The following MAGI2 variants were observed in gnomAD, a reference collection of about 807,000 sequenced individuals.
The protein encoded by MAGI2 is membrane-associated guanylate kinase, WW and PDZ domain-containing protein 2.
A neutral mutation model predicts 133.3 loss-of-function variants in MAGI2; 35 were observed. That is an observed-to-expected ratio of 0.26 (90% CI 0.20 to 0.35). The LOEUF is 0.35. Ranked by LOEUF, MAGI2 falls within the 10% of genes least tolerant of loss-of-function variation. MAGI2 has a pLI of 1.00. For synonymous variants in MAGI2, 729 were observed against 710.6 expected (o/e 1.03, Z -0.41); for missense variants, 1,636 against 1,863.4 (o/e 0.88, Z 2.25).
chr7:79,115,969 C>A (rs1819379503), intron 1 of MAGI2, among the ~76,000 whole-genome samples: 2 of 147,360 alleles, frequency 1.4e-5, no homozygotes, highest in African/African-American at 2.5e-5. Context: ...CTTTCAGACT[C>A]TCCTATCCCA....
chr7:78,917,540 T>C (rs996886761), intron 2 of MAGI2, among the ~76,000 whole-genome samples: 4 of 152,090 alleles, frequency 2.6e-5, no homozygotes, highest in African/African-American at 7.2e-5. Flanking sequence ...CTTGGCCATT[T>C]TGATGTTTTC....
At chr7:78,975,548 G>A (rs1183282408) in intron 2 of MAGI2, among the ~76,000 whole-genome samples, 1 of 151,532 alleles carries the variant, frequency 6.6e-6, no homozygotes, top group Non-Finnish European at 1.5e-5. Context: ...GAAATTTATA[G>A]TAACAAATGC....
In MAGI2 at chr7:79,186,215, TA is replaced by T. The variant is rs1331447720; in HGVS notation, c.302-179010del. 1.6e-3 allele frequency among the ~76,000 whole-genome samples: 39 copies of T among 23,804 alleles called. 1 individual carries two copies. Among genetic ancestry groups the T allele is most frequent in the African/African-American group, 1.9e-3 (36 of 18,570 alleles). 15.6% of individuals were successfully genotyped at this position (23,804 alleles called of 152,430 possible). A position where few individuals can be genotyped will look rare whatever the true frequency, so the allele number is the denominator to read the frequency against. On this transcript the variant is annotated intron_variant, in intron 1 of 21. Coordinates refer to ENST00000354212, the MANE Select transcript of MAGI2 (RefSeq NM_012301.4). ...AAATATATATATATATATATATATA[TA>T]TATATATATATATATATATATATAT...
intron 1 of MAGI2, among the ~76,000 whole-genome samples, chr7:79,224,351 C>T (rs1482648087): frequency 6.6e-6 from 1 of 152,042 alleles, no homozygotes. Flanking sequence ...CTTGGCCCGT[C>T]TTTTTGCTTC....
intron 1 of MAGI2, among the ~76,000 whole-genome samples, chr7:79,092,757 C>A (rs1250154829): frequency 6.6e-6 from 1 of 152,098 alleles, no homozygotes. Context: ...ATCAGAAGGT[C>A]ATGTCTGATT....
intron 2 of MAGI2, among the ~76,000 whole-genome samples, chr7:78,852,161 T>C (rs540454104): frequency 1.3e-5 from 2 of 152,286 alleles, no homozygotes; most frequent in African/African-American, 4.8e-5. Flanking sequence ...TAATTACTAA[T>C]GCATTTGAGC....
At chr7:78,068,635 C>A (rs563933743) in intron 21 of MAGI2, among the ~76,000 whole-genome samples, 1 of 152,150 alleles carries the variant, frequency 6.6e-6, no homozygotes, top group Non-Finnish European at 1.5e-5. Context: ...CTTATGGACT[C>A]ACCTGTTTGT....
chr7:78,163,446 T>C (rs1028271241), intron 15 of MAGI2, among the ~76,000 whole-genome samples: 4 of 152,052 alleles, frequency 2.6e-5, no homozygotes, highest in Non-Finnish European at 5.9e-5. Flanking sequence ...GCCTAAATAA[T>C]TAGTTTTTAG....
chr7:78,704,272 C>G (rs1818376341), intron 2 of MAGI2, among the ~76,000 whole-genome samples: 1 of 152,096 alleles, frequency 6.6e-6, no homozygotes, highest in African/African-American at 2.4e-5. Flanking sequence ...GGAACAGACA[C>G]TTTCCAAAAG....
chr7:78,329,614 T>C (rs1033321217), intron 9 of MAGI2, among the ~76,000 whole-genome samples: 6 of 152,376 alleles, frequency 3.9e-5, no homozygotes, highest in East Asian at 1.9e-4. Flanking sequence ...CTTTTCTTCA[T>C]GCATACTCCA....
intron 2 of MAGI2, among the ~76,000 whole-genome samples, chr7:78,733,166 A>T (rs1446029153): frequency 6.6e-6 from 1 of 152,190 alleles, no homozygotes; most frequent in African/African-American, 2.4e-5. Context: ...CCACATAGCA[A>T]AATCTTTAGT....
intron 9 of MAGI2, among the ~76,000 whole-genome samples, chr7:78,288,895 G>A (rs1473486927): frequency 6.6e-6 from 1 of 152,180 alleles, no homozygotes; most frequent in Non-Finnish European, 1.5e-5. Context: ...GATCCTGACT[G>A]TTAGAAGGAA....
chr7:79,329,287 A>C (rs759550578), intron 1 of MAGI2, among the ~76,000 whole-genome samples: 13 of 152,258 alleles, frequency 8.5e-5, no homozygotes, highest in Non-Finnish European at 1.6e-4. Flanking sequence ...CAACACAGTA[A>C]CATTATAGTG....
intron 9 of MAGI2, among the ~76,000 whole-genome samples, chr7:78,321,248 T>C (rs1787971457): frequency 6.6e-6 from 1 of 152,168 alleles, no homozygotes; most frequent in African/African-American, 2.4e-5. Flanking sequence ...TTGACTTTCT[T>C]CACAGAATTG....
intron 5 of MAGI2, 90 bp downstream of exon 5, chr7:78,501,487 T>TC (rs1794618374): frequency 4.6e-6 from 5 of 1,088,364 alleles, no homozygotes; most frequent in South Asian, 1.6e-5. Context: ...TTTTTTTCTT[T>TC]TTTTTTTTTT....
intron 3 of MAGI2, among the ~76,000 whole-genome samples, chr7:78,607,591 C>T (rs1444352626): frequency 6.6e-6 from 1 of 151,988 alleles, no homozygotes; most frequent in Non-Finnish European, 1.5e-5. Context: ...AAAGATCCAC[C>T]CTACCCTATG....
chr7:78,123,583 A>G (rs1308061513), intron 20 of MAGI2, among the ~76,000 whole-genome samples: 1 of 152,230 alleles, frequency 6.6e-6, no homozygotes, highest in Non-Finnish European at 1.5e-5. Context: ...AGGGCTGCTG[A>G]GTAACCAGTG....
At chr7:79,281,024 T>C (rs1480908295) in intron 1 of MAGI2, among the ~76,000 whole-genome samples, 1 of 148,484 alleles carries the variant, frequency 6.7e-6, no homozygotes, top group Non-Finnish European at 1.5e-5. Flanking sequence ...CCTAACTGTT[T>C]CAAATAAGTG....
intron 1 of MAGI2, among the ~76,000 whole-genome samples, chr7:79,158,134 A>G (rs560399943): frequency 5.3e-4 from 81 of 152,164 alleles, no homozygotes; most frequent in Non-Finnish European, 9.9e-4. Context: ...TTAAATACAA[A>G]TTTAGGGCTA....
Sources: allele counts gnomAD v4.1 joint callset (sites outside exome capture counted in the v4.1 genomes callset), GRCh38; gene constraint gnomAD v4.1.1; transcripts MANE v1.5; gene names NCBI Gene and HGNC (gene_info 2026-07-23, HGNC 2026-07-21).